ANKH: variants seen among roughly 807,000 people sequenced by gnomAD.
ANKH encodes the protein ANKH inorganic pyrophosphate transport regulator, also known as mineralization regulator ANKH.
ANKH carries 15 observed loss-of-function variants against 49.0 expected under a neutral mutation model. The observed-to-expected ratio is 0.31, with a 90% confidence interval of 0.20 to 0.47. ANKH has a LOEUF of 0.47. Among genes scored for constraint, ANKH ranks in the 20% least tolerant of loss-of-function variants. The pLI is 1.00. For missense variants in ANKH, 429 were observed against 652.0 expected (o/e 0.66, Z 3.72); for synonymous variants, 273 against 260.0 (o/e 1.05, Z -0.48).
chr5:14,829,395 A>T (rs1201922796), intron 1 of ANKH, among the ~76,000 whole-genome samples: 1 of 152,174 alleles, frequency 6.6e-6, no homozygotes, highest in African/African-American at 2.4e-5. Context: ...AGAATAATTC[A>T]TCAAACAATC....
Position 14,721,737 on chromosome 5 carries a change from T to C in ANKH, c.1012-4902A>G, listed in dbSNP as rs1174783464. On this transcript the variant is annotated intron_variant, in intron 8 of 11. Coordinates refer to ENST00000284268, the MANE Select transcript of ANKH (RefSeq NM_054027.6). ...CAAGGTCAGGAGATCGAGACCATCCTGGCTAACACGGTGAAACCCCATCTC... is the reference window on the plus strand; with the variant it reads ...CAAGGTCAGGAGATCGAGACCATCCCGGCTAACACGGTGAAACCCCATCTC... 6.6e-5 allele frequency among the ~76,000 whole-genome samples: 10 copies of C among 152,058 alleles called. No homozygotes were observed. The East Asian group carries it at 9.7e-4, about 15-fold the overall frequency.
intron 1 of ANKH, among the ~76,000 whole-genome samples, chr5:14,771,948 CCAAAA>C (rs1448180492): frequency 4.8e-5 from 6 of 126,292 alleles, no homozygotes; most frequent in Admixed American, 1.5e-4. Flanking sequence ...AAAAAAAAAA[CCAAAA>C]CAAAACAAAA....
At chr5:14,846,178 C>T (rs950325464) in intron 1 of ANKH, among the ~76,000 whole-genome samples, 2 of 152,078 alleles carry the variant, frequency 1.3e-5, no homozygotes, top group Admixed American at 6.6e-5. Context: ...TTTGATGCAG[C>T]CAAATTCTAA....
rs1186169719 is a variant in ANKH at position 14,725,375 on chromosome 5, T to C, written c.1012-8540A>G. On this transcript the variant is annotated intron_variant, in intron 8 of 11. Coordinates refer to ENST00000284268, the MANE Select transcript of ANKH (RefSeq NM_054027.6). The surrounding 1 kb of genome is among the most constrained non-coding windows in gnomAD (Gnocchi z 4.0). The stretch of plus-strand genomic sequence containing the variant: ...TGACTCCATAAAGTAAATCGATGCC[T>C]GCCTTCCTTAAGAAAGTCTTGCCAT... Among the ~76,000 whole-genome samples, 1 of 152,120 alleles carries C rather than the reference T, an allele frequency of 6.6e-6. No homozygotes were observed. The highest frequency in any genetic ancestry group is 1.9e-4 in the East Asian group (1 of 5,190).
At position 14,716,733 on chromosome 5, in the gene ANKH, G is replaced by T. The variant is rs1180838297; in HGVS notation, c.1114C>A (p.Arg372=). The T allele has an allele frequency of 2.5e-6, 4 of 1,614,006 alleles. No individual in the cohort carries two copies. The highest frequency in any genetic ancestry group is 4.5e-5 in the East Asian group (2 of 44,878). The change falls in exon 9 of 12, where the codon CGG becomes AGG. Residue 372 remains arginine, a synonymous_variant. Transcript: ENST00000284268. Reference sequence around the variant, plus strand: ...GGAACTGGGAAGAAGGAGAAGATCCGCAAAGGAACAACACAGAGTTCTGCA... The same window carrying T: ...GGAACTGGGAAGAAGGAGAAGATCCTCAAAGGAACAACACAGAGTTCTGCA... ...AFAELCVVPL[R]IFSFFPVPVT...
At chr5:14,796,068 C>T (rs1201884039) in intron 1 of ANKH, among the ~76,000 whole-genome samples, 3 of 151,934 alleles carry the variant, frequency 2.0e-5, no homozygotes, top group Non-Finnish European at 4.4e-5. Context: ...TTCTTTTCGA[C>T]GTGATATTTT....
Position 14,745,234 on chromosome 5 carries a change from G to T in ANKH, c.915+636C>A, listed in dbSNP as rs866245215. Reference sequence around the variant, plus strand: ...CATTTGTTTTAGAGTATTAAAAAAAGTCTATAGGTTTAAATGATAACGCTA... The same window carrying T: ...CATTTGTTTTAGAGTATTAAAAAAATTCTATAGGTTTAAATGATAACGCTA... On this transcript the variant is annotated intron_variant, in intron 7 of 11. Coordinates refer to ENST00000284268, the MANE Select transcript of ANKH (RefSeq NM_054027.6). This position sits in a 1 kb window ranked among gnomAD's most constrained non-coding sequence, Gnocchi z 4.7. Among the ~76,000 whole-genome samples the T allele has an allele frequency of 1.3e-5, 2 of 150,056 alleles. No individual in the cohort carries two copies. The highest frequency in any genetic ancestry group is 3.0e-5 in the Non-Finnish European group (2 of 67,558).
chr5:14,864,601 A>C (rs1167290489), intron 1 of ANKH, among the ~76,000 whole-genome samples: 2 of 152,212 alleles, frequency 1.3e-5, no homozygotes, highest in Non-Finnish European at 2.9e-5. Context: ...TTGGACACTG[A>C]AATAGGCACC....
intron 1 of ANKH, among the ~76,000 whole-genome samples, chr5:14,773,939 G>A (rs575168389): frequency 6.6e-6 from 1 of 152,284 alleles, no homozygotes; most frequent in African/African-American, 2.4e-5. Context: ...TTACCTGCAA[G>A]ATATTATTGC....
At chr5:14,759,112 C>T (rs4701614) in intron 2 of ANKH, among the ~76,000 whole-genome samples, 58,542 of 152,020 alleles carry the variant, frequency 0.39, 11,493 homozygotes, top group Admixed American at 0.48. Flanking sequence ...TGTTAATATG[C>T]CTTTCCATAA....
At chr5:14,836,880 T>C (rs1232420148) in intron 1 of ANKH, among the ~76,000 whole-genome samples, 1 of 152,172 alleles carries the variant, frequency 6.6e-6, no homozygotes, top group East Asian at 1.9e-4. Context: ...ACTACAAGGC[T>C]ACAGTAACCA....
At position 14,769,160 on chromosome 5, in the gene ANKH, T is replaced by A. The variant is rs1290217668; in HGVS notation, c.128A>T (p.Glu43Val). 6.2e-7 allele frequency: 1 copy of A among 1,613,946 alleles called. No homozygotes were observed. Among genetic ancestry groups the A allele is most frequent in the East Asian group, 2.2e-5 (1 of 44,856 alleles). ...GCTGGCCAGCATCTCGACTGCATCC[T>A]CCTTGACAGCAGCAATGCCCCGGTT... ...ALNRGIAAVK[E>V]DAVEMLASYG... Residue 43 changes from glutamate to valine, a missense_variant, in exon 2 of 12, where the codon GAG (glutamate) becomes GTG (valine). By Grantham distance (121) the Glu-to-Val change is moderately radical (BLOSUM62 -2). Around this residue, in one of 2 missense-constraint regions of ANKH, gnomAD observed 378 missense variants for 615.3 expected, o/e 0.61. Coordinates refer to ENST00000284268, the MANE Select transcript of ANKH (RefSeq NM_054027.6).
At position 14,747,491 on chromosome 5, in the gene ANKH, T is replaced by C. The variant is rs978334795; in HGVS notation, c.823-1529A>G. Among the ~76,000 whole-genome samples the C allele has an allele frequency of 7.2e-5, 11 of 152,190 alleles. No homozygotes were observed. The East Asian group carries it at 9.7e-4, about 13-fold the overall frequency. On this transcript the variant is annotated intron_variant, in intron 6 of 11. Coordinates refer to ENST00000284268, the MANE Select transcript of ANKH (RefSeq NM_054027.6). ...AGGAGGATCGCTTGAGCCCAGGAGA[T>C]TGAGGCTGCAGTGAGCTGTGATCGT...
chr5:14,712,949 C>A lies in ANKH; in HGVS notation c.1290G>T (p.Val430=). Residue 430 remains valine, a synonymous_variant, in exon 11 of 12, where the codon GTG becomes GTT. Coordinates refer to ENST00000284268, the MANE Select transcript of ANKH (RefSeq NM_054027.6). ...CCACAAAGCCCGCCAGGAGGGAGCC[C>A]ACGCCCAGGGTCGCACCGTGCACCC... The part of the protein sequence containing the change: ...YLGVHGATLG[V]GSLLAGFVGE... 1 of 1,613,408 alleles carries A rather than the reference C, an allele frequency of 6.2e-7. No homozygotes were observed. Among genetic ancestry groups the A allele is most frequent in the Non-Finnish European group, 8.5e-7 (1 of 1,179,846 alleles).
intron 1 of ANKH, among the ~76,000 whole-genome samples, chr5:14,830,059 A>C (rs531238589): frequency 6.6e-6 from 1 of 152,238 alleles, no homozygotes; most frequent in African/African-American, 2.4e-5. Flanking sequence ...TGATGTGAAG[A>C]AAGTCCAGTG....
Position 14,779,159 on chromosome 5 carries a change from A to C in ANKH, c.97-9968T>G, listed in dbSNP as rs116381867. On this transcript the variant is annotated intron_variant, in intron 1 of 11. Coordinates refer to ENST00000284268, the MANE Select transcript of ANKH (RefSeq NM_054027.6). Reference sequence around the variant, plus strand: ...CACCTCCTCCCTCCTGTCACAAAGGAAAGGCGGGCCTGACCAGGGTGAGTG... The same window carrying C: ...CACCTCCTCCCTCCTGTCACAAAGGCAAGGCGGGCCTGACCAGGGTGAGTG... Among the ~76,000 whole-genome samples, 489 of 152,300 alleles carry C rather than the reference A, an allele frequency of 3.2e-3. 2 individuals carry two copies. The highest frequency in any genetic ancestry group is 0.011 in the African/African-American group (474 of 41,566).
intron 1 of ANKH, among the ~76,000 whole-genome samples, chr5:14,817,017 C>A (rs370309275): frequency 3.9e-5 from 6 of 152,168 alleles, no homozygotes; most frequent in Non-Finnish European, 8.8e-5. Flanking sequence ...TGATCCCATA[C>A]CATGGTGTTT....
chr5:14,734,369 C>CCCCTT (rs560938675), intron 8 of ANKH, among the ~76,000 whole-genome samples: 132 of 152,306 alleles, frequency 8.7e-4, no homozygotes, highest in African/African-American at 3.1e-3. Flanking sequence ...GGGATAAGAA[C>CCCCTT]CCCTTCCCCT....
At chr5:14,799,302 A>T (rs1387463760) in intron 1 of ANKH, among the ~76,000 whole-genome samples, 1 of 152,260 alleles carries the variant, frequency 6.6e-6, no homozygotes, top group African/African-American at 2.4e-5. Flanking sequence ...AGTACAAGGT[A>T]AAGCAGCAAG....
Sources: allele counts gnomAD v4.1 joint callset (sites outside exome capture counted in the v4.1 genomes callset), GRCh38; gene constraint gnomAD v4.1.1; regional missense constraint gnomAD v4.1.1; non-coding constraint Gnocchi (gnomAD v3.1); transcripts MANE v1.5; gene names NCBI Gene and HGNC (gene_info 2026-07-23, HGNC 2026-07-21).